Variants in PTPN5 observed in about 807,000 individuals in gnomAD.
PTPN5 encodes the protein tyrosine-protein phosphatase non-receptor type 5.
In PTPN5, 29 loss-of-function variants were observed where a neutral mutation model predicts 73.9. The ratio of observed to expected loss-of-function variants is 0.39; its 90% confidence interval spans 0.29 to 0.54. The LOEUF (loss-of-function observed/expected upper bound fraction) is 0.54, where lower values mean the gene tolerates loss of function less well. Among genes scored for constraint, PTPN5 ranks in the 20% least tolerant of loss-of-function variants. The pLI is 0.65. For missense variants in PTPN5, 652 were observed against 751.4 expected, an observed-to-expected ratio of 0.87 and a Z score of 1.55; for synonymous variants, 267 against 304.7, an observed-to-expected ratio of 0.88 and a Z score of 1.29.
intron 1 of PTPN5, among the ~76,000 whole-genome samples, chr11:18,787,604 C>T (rs1050707947): frequency 2.6e-5 from 4 of 152,170 alleles, no homozygotes; most frequent in African/African-American, 7.2e-5. Context: ...GGCCTCTGCA[C>T]CTGTGGTCTC....
intron 3 of PTPN5, among the ~76,000 whole-genome samples, chr11:18,753,869 T>TG (rs1433773782): frequency 6.6e-6 from 1 of 151,980 alleles, no homozygotes; most frequent in Non-Finnish European, 1.5e-5. Flanking sequence ...CATGGCACCG[T>TG]GGGGGAACTC....
upstream of PTPN5, chr11:18,791,973 C>A (rs895436947): frequency 6.6e-6 from 1 of 152,258 alleles, no homozygotes; most frequent in Admixed American, 6.5e-5. Flanking sequence ...AACCCCTGAC[C>A]TCATCTCAGG....
intron 3 of PTPN5, among the ~76,000 whole-genome samples, chr11:18,752,230 C>T (rs765475283): frequency 2.0e-5 from 3 of 152,188 alleles, no homozygotes; most frequent in Non-Finnish European, 4.4e-5. Flanking sequence ...GAAACTCCGT[C>T]TTAAAAGAGC....
chr11:18,786,976 A>C (rs1851702091), intron 1 of PTPN5, among the ~76,000 whole-genome samples: 1 of 152,214 alleles, frequency 6.6e-6, no homozygotes, highest in Admixed American at 6.5e-5. Flanking sequence ...AGAGTGCAAG[A>C]GAAAATTTGA....
At chr11:18,790,130 C>T (rs1240067499) in intron 1 of PTPN5, among the ~76,000 whole-genome samples, 1 of 151,960 alleles carries the variant, frequency 6.6e-6, no homozygotes, top group African/African-American at 2.4e-5. Context: ...GCATCAGGCT[C>T]AGCTCTGGGG....
chr11:18,757,713 G>C (rs1051913997), intron 3 of PTPN5, among the ~76,000 whole-genome samples: 2 of 152,194 alleles, frequency 1.3e-5, no homozygotes, highest in African/African-American at 4.8e-5. Context: ...GGACAGAGCA[G>C]GGGTGGACTG....
chr11:18,756,752 C>T (rs1234970221), intron 3 of PTPN5, among the ~76,000 whole-genome samples: 1 of 151,742 alleles, frequency 6.6e-6, no homozygotes, highest in Admixed American at 6.5e-5. Flanking sequence ...GAAACCCCGT[C>T]TCTACTAAAA....
intron 3 of PTPN5, among the ~76,000 whole-genome samples, chr11:18,744,690 G>GC (rs1415637612): frequency 6.6e-6 from 1 of 152,108 alleles, no homozygotes; most frequent in Non-Finnish European, 1.5e-5. Flanking sequence ...ACATCCATGT[G>GC]CCCCCACCCC....
chr11:18,735,788 G>T (rs1849087042), intron 9 of PTPN5, among the ~76,000 whole-genome samples: 1 of 151,772 alleles, frequency 6.6e-6, no homozygotes. Flanking sequence ...AAAAAAGCTG[G>T]ACTTAAACCT....
intron 4 of PTPN5, 185 bp from the exon 5 acceptor site, chr11:18,743,614 G>A (rs1310861161): frequency 1.6e-6 from 1 of 609,448 alleles, no homozygotes; most frequent in Non-Finnish European, 2.9e-6. Context: ...GACTCTCCTT[G>A]GAGAAAAGCT....
intron 9 of PTPN5, among the ~76,000 whole-genome samples, chr11:18,736,884 A>T (rs7950091): frequency 0.43 from 64,696 of 152,076 alleles, 14,358 homozygotes; most frequent in Non-Finnish European, 0.49. Context: ...GGAGGGCAAG[A>T]CGAGGGAAGA....
intron 1 of PTPN5, among the ~76,000 whole-genome samples, chr11:18,782,393 A>G (rs1054401205): frequency 5.3e-5 from 8 of 151,928 alleles, no homozygotes; most frequent in African/African-American, 1.9e-4. Flanking sequence ...ATGCCCAGCT[A>G]ATTTTTGTAT....
upstream of PTPN5, chr11:18,792,127 C>G (rs185738335): frequency 1.3e-5 from 2 of 152,366 alleles, no homozygotes; most frequent in African/African-American, 4.8e-5. Flanking sequence ...AGCCCCGGGT[C>G]GGGCCGCGCG....
At chr11:18,765,977 C>G in intron 2 of PTPN5, 94 bp from the exon 3 acceptor site, 1 of 927,092 alleles carries the variant, frequency 1.1e-6, no homozygotes, top group Non-Finnish European at 1.7e-6. Context: ...CTCCTGTATT[C>G]TGTATCCCTT....
In PTPN5 at chr11:18,733,376, C is replaced by T. The variant is rs373545212; in HGVS notation, c.1081-4G>A. ...CCTTCTCCTCCCCACCATAGCCCTG[C>T]GGCCAGCCAAGTCCAGGCTGTCAGG... On this transcript the variant is annotated splice_polypyrimidine_tract_variant and splice_region_variant and intron_variant, in intron 10 of 14. Transcript: ENST00000358540. This position sits in a 1 kb window ranked among gnomAD's most constrained non-coding sequence, Gnocchi z 4.3. 1.2e-4 allele frequency: 192 copies of T among 1,612,642 alleles called. No homozygotes were observed. Among genetic ancestry groups the T allele is most frequent in the East Asian group, 9.1e-4 (41 of 44,826 alleles).
At chr11:18,737,076 C>T (rs1046017207) in intron 9 of PTPN5, among the ~76,000 whole-genome samples, 3 of 152,260 alleles carry the variant, frequency 2.0e-5, no homozygotes, top group Non-Finnish European at 2.9e-5. Context: ...AGCCTCGCTA[C>T]TCCACAAACT....
intron 3 of PTPN5, among the ~76,000 whole-genome samples, chr11:18,745,629 T>A (rs937101684): frequency 8.5e-5 from 13 of 152,122 alleles, no homozygotes; most frequent in African/African-American, 2.9e-4. Flanking sequence ...TCCTGCTCTA[T>A]CACATACGAG....
At chr11:18,783,389 A>ATTC in intron 1 of PTPN5, among the ~76,000 whole-genome samples, 1 of 152,220 alleles carries the variant, frequency 6.6e-6, no homozygotes, top group Non-Finnish European at 1.5e-5. Flanking sequence ...GCTAAAGAAG[A>ATTC]ACACAGCTGA....
intron 12 of PTPN5, among the ~76,000 whole-genome samples, chr11:18,732,275 TC>T (rs1027008280): frequency 6.6e-6 from 1 of 152,156 alleles, no homozygotes; most frequent in African/African-American, 2.4e-5. Flanking sequence ...GCTGCTGAAG[TC>T]CCCTCATCCA....
Sources: gnomAD v4.1 joint callset for allele counts (sites outside exome capture counted in the v4.1 genomes callset) on GRCh38, gnomAD v4.1.1 for gene constraint, Gnocchi (gnomAD v3.1) non-coding constraint, MANE v1.5 for transcripts, NCBI Gene and HGNC (gene_info 2026-07-23, HGNC 2026-07-21) for gene names.